Variants in GPATCH2L observed in about 807,000 individuals in gnomAD.
GPATCH2L encodes the protein G patch domain-containing protein 2-like.
In GPATCH2L, 31 loss-of-function variants were observed where a neutral mutation model predicts 57.4. The observed-to-expected ratio is 0.54, with a 90% CI of 0.41 to 0.73. GPATCH2L has a LOEUF of 0.73. Among genes scored for constraint, GPATCH2L ranks in the 30% least tolerant of loss-of-function variants. The pLI is 0.00. For missense variants in GPATCH2L, 481 were observed against 599.9 expected, an observed-to-expected ratio of 0.80 and a Z score of 2.07; for synonymous variants, 199 against 210.7, an observed-to-expected ratio of 0.94 and a Z score of 0.48.
chr14:76,231,214 C>T (rs1476675203), intron 2 of GPATCH2L, among the ~76,000 whole-genome samples: 1 of 152,186 alleles, frequency 6.6e-6, no homozygotes, highest in East Asian at 1.9e-4. Flanking sequence ...TCCTTGCCTC[C>T]CTCAAGGAAC....
chr14:76,196,415 T>C (rs2040152193), intron 9 of GPATCH2L: 1 of 241,308 alleles, frequency 4.1e-6, no homozygotes, highest in East Asian at 8.7e-5. Context: ...TTAAAAACAA[T>C]TTTTTAGGCT....
chr14:76,196,391 C>A, intron 9 of GPATCH2L: 4 of 260,934 alleles, frequency 1.5e-5, no homozygotes, highest in Admixed American at 5.2e-5. Context: ...TTTTACTGGT[C>A]ATGACATTCC....
intron 9 of GPATCH2L, among the ~76,000 whole-genome samples, chr14:76,200,715 A>G (rs1004593932): frequency 1.3e-5 from 2 of 152,206 alleles, no homozygotes; most frequent in East Asian, 1.9e-4. Flanking sequence ...GATACTTTCT[A>G]TTTTTTTCAT....
intron 2 of GPATCH2L, among the ~76,000 whole-genome samples, chr14:76,159,092 A>G (rs1413665337): frequency 6.6e-6 from 1 of 152,222 alleles, no homozygotes; most frequent in Non-Finnish European, 1.5e-5. Flanking sequence ...AATAACTTCT[A>G]GATCAGGTGG....
chr14:76,217,792 C>T (rs903294990), downstream of GPATCH2L, among the ~76,000 whole-genome samples: 2 of 152,112 alleles, frequency 1.3e-5, no homozygotes, highest in African/African-American at 4.8e-5. Flanking sequence ...AAATGTCTCT[C>T]AAACGTGAAA....
intron 8 of GPATCH2L, among the ~76,000 whole-genome samples, chr14:76,193,673 C>G (rs1463376863): frequency 6.6e-6 from 1 of 152,164 alleles, no homozygotes; most frequent in South Asian, 2.1e-4. Context: ...CTCCCTGTGC[C>G]TCTTTCTCTG....
At chr14:76,181,521 T>C (rs116635231) in intron 8 of GPATCH2L, among the ~76,000 whole-genome samples, 258 of 152,360 alleles carry the variant, frequency 1.7e-3, no homozygotes, top group Non-Finnish European at 3.2e-3. Flanking sequence ...TTTTCTTTTT[T>C]AATTTTTTTC....
rs796079878 is a variant in GPATCH2L at position 76,204,298 on chromosome 14, A to C, written c.*2447A>C. The C allele has an allele frequency of 2.0e-4, 30 of 152,372 alleles. 1 individual carries two copies. The highest frequency in any genetic ancestry group is 6.5e-4 in the African/African-American group (27 of 41,588). The allele number at this position is 152,372 out of a possible 1,614,324, so 9.4% of individuals were successfully genotyped here. On this transcript the variant is annotated 3_prime_UTR_variant, in exon 10 of 10. Coordinates refer to ENST00000261530, the MANE Select transcript of GPATCH2L (RefSeq NM_017926.4). ...TTTTCTACACATTTTGAATACTTTC[A>C]ACAGGGATTACCCAAGAATGCAACA...
At chr14:76,162,594 C>CT (rs531381400) in intron 2 of GPATCH2L, among the ~76,000 whole-genome samples, 2 of 152,014 alleles carry the variant, frequency 1.3e-5, no homozygotes, top group African/African-American at 4.8e-5. Flanking sequence ...CTTTCTGAAA[C>CT]TTTTTTTTCC....
downstream of GPATCH2L, among the ~76,000 whole-genome samples, chr14:76,215,833 G>A (rs2040486463): frequency 6.6e-6 from 1 of 151,114 alleles, no homozygotes; most frequent in African/African-American, 2.4e-5. Context: ...GAGTTAGTGG[G>A]TGCAGCGCAC....
At chr14:76,155,137 C>A in intron 2 of GPATCH2L, 112 bp downstream of exon 2, 1 of 772,404 alleles carries the variant, frequency 1.3e-6, no homozygotes, top group Non-Finnish European at 2.0e-6. Context: ...CTAGTATTGA[C>A]TTTGAAGCCT....
chr14:76,201,903 T>G lies in GPATCH2L; in HGVS notation c.*52T>G, dbSNP rs369656974. The G allele has an allele frequency of 7.8e-5, 119 of 1,524,938 alleles. 1 individual carries two copies. The East Asian group carries it at 1.9e-3, about 24-fold the overall frequency. The allele number at this position is 1,524,938 out of a possible 1,614,324, so 94.5% of individuals were successfully genotyped here. On this transcript the variant is annotated 3_prime_UTR_variant, in exon 10 of 10. Transcript: ENST00000261530. Reference sequence around the variant, plus strand: ...TGACTGGGTGTTGCTGAAGCAAATGTTGGACTTTGTGTTAGATAGTCTTGC... The same window carrying G: ...TGACTGGGTGTTGCTGAAGCAAATGGTGGACTTTGTGTTAGATAGTCTTGC...
At chr14:76,176,784 A>C in intron 6 of GPATCH2L, 94 bp downstream of exon 6, 1 of 783,172 alleles carries the variant, frequency 1.3e-6, no homozygotes, top group East Asian at 2.4e-5. Context: ...ATCAGGCTTC[A>C]GAGTTCAAAG....
intron 2 of GPATCH2L, among the ~76,000 whole-genome samples, chr14:76,163,402 C>T (rs1458755188): frequency 6.6e-6 from 1 of 152,178 alleles, no homozygotes; most frequent in African/African-American, 2.4e-5. Flanking sequence ...AAGTATCAAA[C>T]CCCTTCCTGA....
chr14:76,153,080 T>G, intron 1 of GPATCH2L: 1 of 284,702 alleles, frequency 3.5e-6, no homozygotes, highest in Non-Finnish European at 6.9e-6. Context: ...GTTTTGGAAG[T>G]AGGTGTCACT....
At chr14:76,168,662 G>T (rs542393606) in intron 3 of GPATCH2L, among the ~76,000 whole-genome samples, 68 of 152,302 alleles carry the variant, frequency 4.5e-4, no homozygotes, top group African/African-American at 1.4e-3. Flanking sequence ...TAAAGCCTTT[G>T]CTTGAATCAT....
At chr14:76,228,825 A>C (rs1045796393) in intron 1 of GPATCH2L, among the ~76,000 whole-genome samples, 7 of 152,196 alleles carry the variant, frequency 4.6e-5, no homozygotes, top group African/African-American at 1.4e-4. Flanking sequence ...TCCTAGGATG[A>C]AATATCAAAC....
chr14:76,191,789 G>A (rs995542342), intron 8 of GPATCH2L, among the ~76,000 whole-genome samples: 2 of 152,056 alleles, frequency 1.3e-5, no homozygotes, highest in Non-Finnish European at 2.9e-5. Flanking sequence ...TTTGTTAGAA[G>A]CATTCAATAT....
intron 2 of GPATCH2L, among the ~76,000 whole-genome samples, chr14:76,231,090 A>G (rs2040559125): frequency 6.6e-6 from 1 of 152,202 alleles, no homozygotes; most frequent in Non-Finnish European, 1.5e-5. Flanking sequence ...GACACTCTTT[A>G]ACCAAAAGTC....
Sources: allele counts gnomAD v4.1 joint callset (sites outside exome capture counted in the v4.1 genomes callset), GRCh38; gene constraint gnomAD v4.1.1; transcripts MANE v1.5; gene names NCBI Gene and HGNC (gene_info 2026-07-23, HGNC 2026-07-21).